FANCL: variants seen among roughly 807,000 people sequenced by gnomAD.
The protein encoded by FANCL is E3 ubiquitin-protein ligase FANCL.
FANCL carries 69 observed loss-of-function variants against 59.4 expected under a neutral mutation model. That is an observed-to-expected ratio of 1.16 (90% CI 0.96 to 1.42). The LOEUF is 1.42. FANCL is among the 40% of genes most tolerant of loss of function. FANCL has a pLI of 0.00. For synonymous variants in FANCL, 180 were observed against 147.1 expected, an observed-to-expected ratio of 1.22 and a Z score of -1.62; for missense variants, 519 against 447.2, an observed-to-expected ratio of 1.16 and a Z score of -1.45.
At chr2:58,214,118 C>A (rs988320972) in intron 5 of FANCL, among the ~76,000 whole-genome samples, 1 of 152,144 alleles carries the variant, frequency 6.6e-6, no homozygotes, top group Admixed American at 6.5e-5. Context: ...GCACCTAGCA[C>A]AGTCAGTGGC....
Position 58,160,107 on chromosome 2 carries a change from C to G in FANCL, c.1092+1G>C. 5 of 1,612,342 alleles carry G rather than the reference C, an allele frequency of 3.1e-6. No individual in the cohort carries two copies. Among genetic ancestry groups the G allele is most frequent in the Non-Finnish European group, 4.2e-6 (5 of 1,178,674 alleles). Reference sequence around the variant, plus strand: ...TGAGATGTGATTAACAATTTGCTTACCTTACTACAATATGGACATTCACCA... The same window carrying G: ...TGAGATGTGATTAACAATTTGCTTAGCTTACTACAATATGGACATTCACCA... On this transcript the variant is annotated splice_donor_variant, in intron 13 of 13. Transcript: ENST00000233741. LOFTEE classifies it high-confidence loss of function.
intron 3 of FANCL, 91 bp from the exon 4 acceptor site, chr2:58,226,875 A>G: frequency 9.4e-7 from 1 of 1,061,846 alleles, no homozygotes; most frequent in South Asian, 1.4e-5. Context: ...AGTGAATGTG[A>G]AAAAAAGATT....
At chr2:58,173,086 A>G (rs1205318733) in intron 7 of FANCL, among the ~76,000 whole-genome samples, 2 of 152,188 alleles carry the variant, frequency 1.3e-5, no homozygotes, top group African/African-American at 4.8e-5. Flanking sequence ...AAGCTTAGAG[A>G]AAAAAGAATA....
intron 1 of FANCL, among the ~76,000 whole-genome samples, chr2:58,240,160 T>C (rs1412236589): frequency 6.6e-6 from 1 of 151,978 alleles, no homozygotes; most frequent in Non-Finnish European, 1.5e-5. Flanking sequence ...TTTCTAAATG[T>C]TGTCTACAAG....
chr2:58,189,226 T>G (rs966069892), intron 7 of FANCL, among the ~76,000 whole-genome samples: 2 of 151,632 alleles, frequency 1.3e-5, no homozygotes, highest in Non-Finnish European at 2.9e-5. Flanking sequence ...CTCAGCAAAG[T>G]GTACACCTTA....
intron 7 of FANCL, among the ~76,000 whole-genome samples, chr2:58,170,357 G>A (rs887958852): frequency 2.6e-5 from 4 of 152,170 alleles, no homozygotes; most frequent in Non-Finnish European, 4.4e-5. Context: ...GTCACCACCA[G>A]GCCTGCCTTA....
intron 5 of FANCL, among the ~76,000 whole-genome samples, chr2:58,219,243 A>T (rs1692232052): frequency 7.0e-6 from 1 of 142,202 alleles, no homozygotes; most frequent in Non-Finnish European, 1.5e-5. Flanking sequence ...CACAGGAGCC[A>T]ACTGAAAGAG....
intron 7 of FANCL, among the ~76,000 whole-genome samples, chr2:58,197,501 C>T (rs1689549487): frequency 6.6e-6 from 1 of 152,130 alleles, no homozygotes; most frequent in Non-Finnish European, 1.5e-5. Context: ...AAGAACTATG[C>T]CCTAACTAAT....
chr2:58,168,316 G>T (rs545757445), intron 7 of FANCL, among the ~76,000 whole-genome samples: 2 of 152,250 alleles, frequency 1.3e-5, no homozygotes, highest in African/African-American at 4.8e-5. Flanking sequence ...AAAGCAGGGT[G>T]GGCTATCACC....
chr2:58,160,219 T>C, intron 12 of FANCL, 40 bp from the exon 13 acceptor site: 1 of 1,576,122 alleles, frequency 6.3e-7, no homozygotes, highest in Non-Finnish European at 8.7e-7. Flanking sequence ...GTCAGCATGA[T>C]TACAAATTAC....
chr2:58,200,950 T>C (rs1275716405), intron 6 of FANCL, among the ~76,000 whole-genome samples: 1 of 151,466 alleles, frequency 6.6e-6, no homozygotes, highest in Non-Finnish European at 1.5e-5. Context: ...GTTAATTACA[T>C]TCATGTGCAA....
At chr2:58,185,200 T>G (rs1031477759) in intron 7 of FANCL, among the ~76,000 whole-genome samples, 1 of 151,902 alleles carries the variant, frequency 6.6e-6, no homozygotes, top group Non-Finnish European at 1.5e-5. Context: ...AAGGAAAAAA[T>G]AGACATCTCC....
rs376930947 is a variant in FANCL at position 58,195,580 on chromosome 2, T to G, written c.540+3014A>C. 3.5e-4 allele frequency among the ~76,000 whole-genome samples: 53 copies of G among 152,128 alleles called. No homozygotes were observed. The East Asian group carries it at 9.6e-3, about 28-fold the overall frequency. ...CCACAAGAGAAGGATGTGACCAGAC[T>G]GAAAGTTAAACTCTGTATGACAAAA... On this transcript the variant is annotated intron_variant, in intron 7 of 13. Coordinates refer to ENST00000233741, the MANE Select transcript of FANCL (RefSeq NM_018062.4).
chr2:58,171,959 G>A (rs149593945), intron 7 of FANCL, among the ~76,000 whole-genome samples: 4 of 152,172 alleles, frequency 2.6e-5, no homozygotes, highest in African/African-American at 9.6e-5. Flanking sequence ...ATTACATCCC[G>A]CTTGGAGAGT....
chr2:58,241,260 C>T lies in FANCL; in HGVS notation c.54G>A (p.Gln18=). 2 of 1,614,258 alleles carry T rather than the reference C, an allele frequency of 1.2e-6. No individual in the cohort carries two copies. Among genetic ancestry groups the T allele is most frequent in the Non-Finnish European group, 1.7e-6 (2 of 1,180,048 alleles). ...LLRQCPLLLP[Q]NRSKTVYEGF... ...CCTCATACACGGTTTTCGACCGGTT[C>T]TGGGGCAGAAGCAGGGGGCACTGGC... The change falls in exon 1 of 14, where the codon CAG becomes CAA. Residue 18 remains glutamine, a synonymous_variant. Coordinates refer to ENST00000233741, the MANE Select transcript of FANCL (RefSeq NM_018062.4).
intron 1 of FANCL, among the ~76,000 whole-genome samples, chr2:58,236,192 C>T (rs996973916): frequency 2.0e-5 from 3 of 151,824 alleles, no homozygotes; most frequent in Non-Finnish European, 4.4e-5. Flanking sequence ...GTACAACACA[C>T]ATCAAAGTGA....
rs1275328180 is a variant in FANCL, at chr2:58,187,967, T to C, written c.540+10627A>G. Among the ~76,000 whole-genome samples the C allele has an allele frequency of 5.9e-5, 9 of 152,322 alleles. 1 individual carries two copies. Among genetic ancestry groups the C allele is most frequent in the Middle Eastern group, 3.4e-3 (1 of 294 alleles). ...TATCAATTTGTTCTTTTTTGGACCT[T>C]GCATTTGGTGTTATACTAAGAAATA... On this transcript the variant is annotated intron_variant, in intron 7 of 13. Coordinates refer to ENST00000233741, the MANE Select transcript of FANCL (RefSeq NM_018062.4).
chr2:58,163,993 T>C (rs1471195446), intron 8 of FANCL, among the ~76,000 whole-genome samples: 1 of 152,010 alleles, frequency 6.6e-6, no homozygotes, highest in Non-Finnish European at 1.5e-5. Context: ...TTATAAAAAT[T>C]TATAAAAACA....
intron 1 of FANCL, among the ~76,000 whole-genome samples, chr2:58,236,405 C>T (rs961282953): frequency 6.6e-6 from 1 of 151,270 alleles, no homozygotes; most frequent in Non-Finnish European, 1.5e-5. Flanking sequence ...CCTAATATTA[C>T]GTTAAGGCAG....
Sources: allele counts gnomAD v4.1 joint callset (sites outside exome capture counted in the v4.1 genomes callset), GRCh38; gene constraint gnomAD v4.1.1; transcripts MANE v1.5; gene names NCBI Gene and HGNC (gene_info 2026-07-23, HGNC 2026-07-21).